Variants in ACSM1 observed in about 807,000 individuals in gnomAD.
ACSM1 encodes acyl-coenzyme A synthetase ACSM1, mitochondrial.
A neutral mutation model predicts 75.8 loss-of-function variants in ACSM1; 79 were observed. The observed-to-expected ratio is 1.04, with a 90% CI of 0.87 to 1.26. The LOEUF (loss-of-function observed/expected upper bound fraction) is 1.26, where lower values mean the gene tolerates loss of function less well. ACSM1 is among the 50% of genes most tolerant of loss of function. The pLI is 0.00. For synonymous variants in ACSM1, 279 were observed against 265.8 expected (o/e 1.05, Z -0.48); for missense variants, 676 against 720.1 (o/e 0.94, Z 0.70).
chr16:20,639,555 G>A (rs2017926714), intron 8 of ACSM1, among the ~76,000 whole-genome samples: 1 of 152,148 alleles, frequency 6.6e-6, no homozygotes, highest in South Asian at 2.1e-4. Flanking sequence ...GGGACAGTGT[G>A]AAAACGCCCT....
chr16:20,672,866 TATATAA>T (rs2020037449), intron 4 of ACSM1, among the ~76,000 whole-genome samples: 1 of 130,060 alleles, frequency 7.7e-6, no homozygotes, highest in African/African-American at 3.0e-5. Flanking sequence ...TAATATATAA[TATATAA>T]ATATAAATAT....
intron 2 of ACSM1, among the ~76,000 whole-genome samples, chr16:20,686,245 G>A (rs901036662): frequency 2.0e-5 from 3 of 151,982 alleles, no homozygotes; most frequent in African/African-American, 7.3e-5. Flanking sequence ...TTAGAGGTGA[G>A]GGCAGTAACA....
intron 7 of ACSM1, among the ~76,000 whole-genome samples, chr16:20,651,575 G>C (rs1279070561): frequency 1.3e-5 from 2 of 152,156 alleles, no homozygotes; most frequent in African/African-American, 2.4e-5. Flanking sequence ...GTTGCAGTGA[G>C]CTGAGATTGT....
intron 7 of ACSM1, among the ~76,000 whole-genome samples, chr16:20,647,182 T>G (rs536054986): frequency 6.6e-6 from 1 of 152,186 alleles, no homozygotes; most frequent in Non-Finnish European, 1.5e-5. Flanking sequence ...TGCTTGTGTT[T>G]TTGCAGGAGA....
chr16:20,670,608 A>G (rs776627678), intron 5 of ACSM1, among the ~76,000 whole-genome samples: 1 of 152,190 alleles, frequency 6.6e-6, no homozygotes, highest in South Asian at 2.1e-4. Flanking sequence ...AGGTCTGCAA[A>G]TCCCTGCACG....
chr16:20,695,879 A>G (rs1046563509), intron 1 of ACSM1, among the ~76,000 whole-genome samples: 1 of 152,200 alleles, frequency 6.6e-6, no homozygotes, highest in Non-Finnish European at 1.5e-5. Context: ...GTGTATATCT[A>G]TACATTAATA....
At chr16:20,649,012 T>C (rs181931404) in intron 7 of ACSM1, among the ~76,000 whole-genome samples, 33 of 152,284 alleles carry the variant, frequency 2.2e-4, no homozygotes, top group African/African-American at 7.7e-4. Flanking sequence ...CCTCGAGAAG[T>C]TGGGGTTTCA....
At chr16:20,691,992 A>G (rs941949759) in intron 1 of ACSM1, among the ~76,000 whole-genome samples, 1 of 152,056 alleles carries the variant, frequency 6.6e-6, no homozygotes, top group African/African-American at 2.4e-5. Flanking sequence ...CCCTGGTTCA[A>G]ATTGTTCCTC....
chr16:20,627,206 G>A lies in ACSM1; in HGVS notation c.1410C>T (p.Asp470=). 1.3e-5 allele frequency: 20 copies of A among 1,566,884 alleles called. No individual in the cohort carries two copies. Among genetic ancestry groups the A allele is most frequent in the Non-Finnish European group, 1.7e-5 (20 of 1,159,472 alleles). ...ACACCTACCCAGAGGCATTAATGAT[G>A]TCATCACTCCTCCCCAGGAAACAAA... is the stretch of plus-strand genomic sequence containing the variant. ...GYICFLGRSD[D]IINASGYRIG... Residue 470 remains aspartate (D), a synonymous_variant, in exon 11 of 14, where the codon GAC becomes GAT. Coordinates refer to ENST00000520010, the MANE Select transcript of ACSM1 (RefSeq NM_001318890.3).
chr16:20,647,984 A>G (rs1406180628), intron 7 of ACSM1, among the ~76,000 whole-genome samples: 1 of 152,146 alleles, frequency 6.6e-6, no homozygotes, highest in East Asian at 1.9e-4. Flanking sequence ...CCTTTGTTGG[A>G]TTACCAATAA....
chr16:20,624,839 C>T (rs966303324), intron 12 of ACSM1, among the ~76,000 whole-genome samples: 1 of 151,902 alleles, frequency 6.6e-6, no homozygotes, highest in Non-Finnish European at 1.5e-5. Context: ...GGACTACAGG[C>T]GCCCACCCCC....
At chr16:20,666,224 A>T (rs2019559093) in intron 6 of ACSM1, among the ~76,000 whole-genome samples, 1 of 152,170 alleles carries the variant, frequency 6.6e-6, no homozygotes, top group Admixed American at 6.5e-5. Flanking sequence ...TATATACATT[A>T]AAAAACCCTA....
rs150200803 is a variant in ACSM1 at position 20,685,296 on chromosome 16, G to A, written c.300C>T (p.Asn100=). The change falls in exon 3 of 14, where the codon AAC becomes AAT. Residue 100 remains asparagine (N), a synonymous_variant. Transcript: ENST00000520010. ...EMGDLTRRVA[N]VFTQTCGLQQ... is the part of the protein sequence containing the mutation. ...GTAGGCCACAGGTCTGTGTGAAGAC[G>A]TTGGCTACACGGCGGGTTAGGTCTC... 101 of 1,614,074 alleles carry A rather than the reference G, an allele frequency of 6.3e-5. No individual in the cohort carries two copies. Among genetic ancestry groups the A allele is most frequent in the Middle Eastern group, 1.6e-4 (1 of 6,084 alleles).
At chr16:20,687,714 C>T (rs2079578113) in intron 2 of ACSM1, among the ~76,000 whole-genome samples, 1 of 152,086 alleles carries the variant, frequency 6.6e-6, no homozygotes, top group African/African-American at 2.4e-5. Context: ...AACCACAGAT[C>T]CACACCTAAA....
chr16:20,656,612 G>A (rs891565047), intron 7 of ACSM1, among the ~76,000 whole-genome samples: 2 of 152,094 alleles, frequency 1.3e-5, no homozygotes, highest in African/African-American at 4.8e-5. Flanking sequence ...TTATAATGAA[G>A]GATAGTAACT....
chr16:20,675,449 T>C (rs1391660781), intron 4 of ACSM1, among the ~76,000 whole-genome samples: 1 of 152,148 alleles, frequency 6.6e-6, no homozygotes, highest in Non-Finnish European at 1.5e-5. Flanking sequence ...GAAAGGCACG[T>C]TCCTGGCTAA....
At chr16:20,692,851 T>C (rs370560257) in intron 1 of ACSM1, among the ~76,000 whole-genome samples, 1 of 152,126 alleles carries the variant, frequency 6.6e-6, no homozygotes, top group Non-Finnish European at 1.5e-5. Context: ...CTAAGCCCCT[T>C]AGATAGGAAT....
intron 4 of ACSM1, among the ~76,000 whole-genome samples, chr16:20,672,014 T>C (rs556694499): frequency 4.0e-4 from 61 of 152,186 alleles, no homozygotes; most frequent in Middle Eastern, 3.4e-3. Context: ...TCTCAATGAG[T>C]TACAAATATG....
In ACSM1 at chr16:20,640,571, C is replaced by T. The variant is rs936021942; in HGVS notation, c.1006G>A (p.Ala336Thr). 6 of 1,614,046 alleles carry T rather than the reference C, an allele frequency of 3.7e-6. No individual in the cohort carries two copies. The highest frequency in any genetic ancestry group is 1.1e-5 in the South Asian group (1 of 91,084). ...QQDFTSIRFP[A>T]LEHCYTGGEV... ...CCGCCAGTATAGCAGTGCTCCAGGG[C>T]AGGGAACCTGATGCTTAGAGGAAGA... is the stretch of plus-strand genomic sequence containing the variant. Residue 336 changes from alanine (A) to threonine (T), a missense_variant, in exon 8 of 14, where the codon GCC (alanine) becomes ACC (threonine). Ala to Thr is a moderately conservative substitution (Grantham distance 58, BLOSUM62 0). Coordinates refer to ENST00000520010, the MANE Select transcript of ACSM1 (RefSeq NM_001318890.3).
Sources: gnomAD v4.1 joint callset for allele counts (sites outside exome capture counted in the v4.1 genomes callset) on GRCh38, gnomAD v4.1.1 for gene constraint, MANE v1.5 for transcripts, NCBI Gene and HGNC (gene_info 2026-07-23, HGNC 2026-07-21) for gene names.